Variants in UBE3C observed in about 807,000 individuals in gnomAD.
The protein encoded by UBE3C is ubiquitin-protein ligase E3C.
A neutral mutation model predicts 129.4 loss-of-function variants in UBE3C; 42 were observed. The ratio of observed to expected loss-of-function variants is 0.32; its 90% CI spans 0.25 to 0.42. The LOEUF is 0.42. Ranked by LOEUF, UBE3C falls within the 10% of genes least tolerant of loss-of-function variation. The pLI, the probability that UBE3C is intolerant of heterozygous loss-of-function variation, is 1.00. For missense variants in UBE3C, 1,049 were observed against 1,319.1 expected, an observed-to-expected ratio of 0.80 and a Z score of 3.17; for synonymous variants, 510 against 492.4, an observed-to-expected ratio of 1.04 and a Z score of -0.47.
intron 3 of UBE3C, 42 bp downstream of exon 3, chr7:157,169,164 G>A: frequency 6.6e-7 from 1 of 1,517,074 alleles, no homozygotes; most frequent in Non-Finnish European, 9.1e-7. Flanking sequence ...GGGCATGGGA[G>A]AGCTTATTTT....
chr7:157,243,370 G>T (rs1345090021), intron 18 of UBE3C, among the ~76,000 whole-genome samples: 1 of 152,248 alleles, frequency 6.6e-6, no homozygotes, highest in East Asian at 1.9e-4. Context: ...TAAGAGTGCA[G>T]CACCCGTGTC....
chr7:157,157,533 G>A (rs1339907985), intron 1 of UBE3C, among the ~76,000 whole-genome samples: 2 of 151,834 alleles, frequency 1.3e-5, no homozygotes, highest in African/African-American at 4.9e-5. Flanking sequence ...AGGGCAATTT[G>A]GAAATATTCA....
At chr7:157,152,164 G>A (rs2116817830) in intron 1 of UBE3C, among the ~76,000 whole-genome samples, 1 of 152,232 alleles carries the variant, frequency 6.6e-6, no homozygotes, top group East Asian at 1.9e-4. Context: ...AGGGTGTAGG[G>A]AAAGTGGAAG....
chr7:157,256,779 A>G, intron 21 of UBE3C, 135 bp from the exon 22 acceptor site: 1 of 1,110,480 alleles, frequency 9.0e-7, no homozygotes, highest in Admixed American at 2.3e-5. Context: ...TGATACACAC[A>G]TGCCACGCCG....
chr7:157,156,810 A>G (rs1323807852), intron 1 of UBE3C, among the ~76,000 whole-genome samples: 1 of 151,982 alleles, frequency 6.6e-6, no homozygotes, highest in African/African-American at 2.4e-5. Flanking sequence ...GTTCCTGATC[A>G]GTAGATAGAT....
At chr7:157,247,257 T>C (rs951286864) in intron 18 of UBE3C, among the ~76,000 whole-genome samples, 1 of 152,244 alleles carries the variant, frequency 6.6e-6, no homozygotes, top group Non-Finnish European at 1.5e-5. Flanking sequence ...TCCATTCCTT[T>C]ACCTTAAGTT....
At chr7:157,218,476 C>G (rs1040054750) in intron 14 of UBE3C, among the ~76,000 whole-genome samples, 5 of 151,984 alleles carry the variant, frequency 3.3e-5, no homozygotes, top group African/African-American at 1.2e-4. Flanking sequence ...AACCATGTCA[C>G]AGAAATATTC....
At chr7:157,145,102 A>G (rs1262382657) in intron 1 of UBE3C, among the ~76,000 whole-genome samples, 1 of 151,694 alleles carries the variant, frequency 6.6e-6, no homozygotes, top group Non-Finnish European at 1.5e-5. Context: ...AAACCCCGTC[A>G]CTACTAAAAA....
At chr7:157,224,720 A>G (rs961566357) in intron 16 of UBE3C, among the ~76,000 whole-genome samples, 52 of 152,164 alleles carry the variant, frequency 3.4e-4, no homozygotes, top group African/African-American at 1.2e-3. Context: ...GGTGAACAAA[A>G]GAGTTTCTTT....
intron 18 of UBE3C, among the ~76,000 whole-genome samples, chr7:157,237,198 T>A (rs1319519392): frequency 6.6e-6 from 1 of 151,948 alleles, no homozygotes; most frequent in Non-Finnish European, 1.5e-5. Flanking sequence ...TCCCAACACT[T>A]TGGGAGGCCG....
Position 157,163,795 on chromosome 7 carries a change from T to C in UBE3C, c.67-15T>C. ...AATTATAACCTTACCTCCTTTTTTC[T>C]CTGTTTGGGTGTAGGAGGAAAAGGC... On this transcript the variant is annotated splice_polypyrimidine_tract_variant and intron_variant, in intron 1 of 22. Transcript: ENST00000348165. 1.2e-6 allele frequency: 2 copies of C among 1,607,224 alleles called. No individual in the cohort carries two copies. Among genetic ancestry groups the C allele is most frequent in the Non-Finnish European group, 1.7e-6 (2 of 1,178,208 alleles).
intron 2 of UBE3C, 105 bp from the exon 3 acceptor site, chr7:157,168,943 A>C: frequency 1.2e-6 from 1 of 810,554 alleles, no homozygotes; most frequent in South Asian, 1.5e-5. Context: ...ATTTTATGGT[A>C]TGTGAATTAC....
intron 10 of UBE3C, 62 bp from the exon 11 acceptor site, chr7:157,201,653 TTTTTTA>T: frequency 4.3e-5 from 29 of 678,224 alleles, no homozygotes; most frequent in Middle Eastern, 3.8e-4. Flanking sequence ...TTTTTTTTTT[TTTTTTA>T]AGAAATGTTT....
rs532997187 is a variant in UBE3C, at chr7:157,198,545, T to C, written c.1332-3176T>C. The C allele has an allele frequency of 1.6e-4, 49 of 315,236 alleles. No individual in the cohort carries two copies. In the Middle Eastern group the frequency reaches 6.8e-3, roughly 44 times the overall value. The allele number at this position is 315,236 out of a possible 1,614,324, so 19.5% of individuals were successfully genotyped here. Reference sequence around the variant, plus strand: ...GGCTGTATTTGTCTTTTTTTTTTTATTTTTTTCGACAGGGAGTCTTGTTCT... The same window carrying C: ...GGCTGTATTTGTCTTTTTTTTTTTACTTTTTTCGACAGGGAGTCTTGTTCT... On this transcript the variant is annotated intron_variant, in intron 10 of 22. Transcript: ENST00000348165.
At chr7:157,171,842 G>A (rs1014489958) in intron 4 of UBE3C, among the ~76,000 whole-genome samples, 3 of 149,628 alleles carry the variant, frequency 2.0e-5, no homozygotes, top group Non-Finnish European at 4.5e-5. Context: ...AAGTAGCTGG[G>A]ATTACAGACG....
rs190780296 is a variant in UBE3C, at chr7:157,166,038, T to C, written c.120+2175T>C. 2.5e-3 allele frequency among the ~76,000 whole-genome samples: 381 copies of C among 152,362 alleles called. 5 individuals are homozygous for C. The highest frequency in any genetic ancestry group is 0.022 in the Admixed American group (344 of 15,306). The stretch of plus-strand genomic sequence containing the variant: ...TGCTGTATGTAGGTGTCTAAATCTC[T>C]TGTGAGACAGGAAGTTTTCATCTAT... On this transcript the variant is annotated intron_variant, in intron 2 of 22. Transcript: ENST00000348165.
chr7:157,154,095 G>A (rs1027995069), intron 1 of UBE3C, among the ~76,000 whole-genome samples: 1 of 152,108 alleles, frequency 6.6e-6, no homozygotes, highest in Non-Finnish European at 1.5e-5. Flanking sequence ...AGGCCGAGGT[G>A]GGTGGATCAC....
At chr7:157,251,618 C>T (rs567186629) in intron 19 of UBE3C, among the ~76,000 whole-genome samples, 1 of 152,078 alleles carries the variant, frequency 6.6e-6, no homozygotes, top group Non-Finnish European at 1.5e-5. Flanking sequence ...TTTATGGATT[C>T]CAAGTGAAAA....
At position 157,163,775 on chromosome 7, in the gene UBE3C, T is replaced by C. The variant is rs374382357; in HGVS notation, c.67-35T>C. ...TATGGGAGTTTTAAAATTGAAATTATAACCTTACCTCCTTTTTTCTCTGTT... is the reference window on the plus strand; with the variant it reads ...TATGGGAGTTTTAAAATTGAAATTACAACCTTACCTCCTTTTTTCTCTGTT... On this transcript the variant is annotated intron_variant, in intron 1 of 22. Transcript: ENST00000348165. 9 of 1,599,300 alleles carry C rather than the reference T, an allele frequency of 5.6e-6. No homozygotes were observed. The Admixed American group carries it at 7.1e-5, about 13-fold the overall frequency.
Sources: allele counts gnomAD v4.1 joint callset (sites outside exome capture counted in the v4.1 genomes callset), GRCh38; gene constraint gnomAD v4.1.1; transcripts MANE v1.5; gene names NCBI Gene and HGNC (gene_info 2026-07-23, HGNC 2026-07-21).